The following TRPC5 variants were observed in gnomAD, a reference collection of about 807,000 sequenced individuals.
TRPC5 encodes short transient receptor potential channel 5.
A neutral mutation model predicts 56.5 loss-of-function variants in TRPC5; 9 were observed. The observed-to-expected ratio is 0.16, with a 90% CI of 0.10 to 0.28. TRPC5 has a LOEUF of 0.28. Ranked by LOEUF, TRPC5 falls within the 10% of genes least tolerant of loss-of-function variation. The pLI is 1.00. For missense variants in TRPC5, 469 were observed against 748.9 expected, an observed-to-expected ratio of 0.63 and a Z score of 4.36; for synonymous variants, 282 against 278.5, an observed-to-expected ratio of 1.01 and a Z score of -0.13.
Position 111,992,008 on chromosome X carries a change from T to C in TRPC5, c.-21-39567A>G, listed in dbSNP as rs142295935. 4.9e-3 allele frequency among the ~76,000 whole-genome samples: 550 copies of C among 112,408 alleles called. 1 individual carries two copies. The highest frequency in any genetic ancestry group is 0.017 in the African/African-American group (523 of 31,035). On this transcript the variant is annotated intron_variant, in intron 1 of 10. Transcript: ENST00000262839. ...CTCTTATTACTGTACTTAGCTTGGATGTCAGACTCAATTTAGGGTTCAGCA... is the reference window on the plus strand; with the variant it reads ...CTCTTATTACTGTACTTAGCTTGGACGTCAGACTCAATTTAGGGTTCAGCA...
intron 1 of TRPC5, among the ~76,000 whole-genome samples, chrX:111,994,316 T>C (rs1051441908): frequency 4.5e-5 from 5 of 111,835 alleles, no homozygotes; most frequent in Non-Finnish European, 9.4e-5. Flanking sequence ...CCTTGTAGTA[T>C]AGTTTGAAGT....
intron 1 of TRPC5, among the ~76,000 whole-genome samples, chrX:111,970,761 C>G (rs1348527073): frequency 9.4e-6 from 1 of 106,089 alleles, no homozygotes; most frequent in Non-Finnish European, 1.9e-5. Flanking sequence ...TGAACTCAGG[C>G]AAGTCACATT....
At chrX:111,993,796 C>A (rs889637447) in intron 1 of TRPC5, among the ~76,000 whole-genome samples, 24 of 111,919 alleles carry the variant, frequency 2.1e-4, no homozygotes, top group African/African-American at 6.8e-4. Flanking sequence ...TAGATTCTGG[C>A]TATTAGCCCT....
At chrX:111,987,452 A>G (rs1003155234) in intron 1 of TRPC5, among the ~76,000 whole-genome samples, 2 of 111,281 alleles carry the variant, frequency 1.8e-5, no homozygotes, top group African/African-American at 6.5e-5. Flanking sequence ...CATGCTACAC[A>G]TTAGATCTCT....
Position 111,781,220 on chromosome X carries a change from TAG to T in TRPC5, c.2101-16_2101-15del. On this transcript the variant is annotated splice_polypyrimidine_tract_variant and intron_variant, in intron 8 of 10. Transcript: ENST00000262839. The stretch of plus-strand genomic sequence containing the variant: ...AGCATTGCGTTCCTATAATTGAAAA[TAG>T]ACAGAGATGTTACATCAGCAGTCTC... 1 of 1,201,818 alleles carries T rather than the reference TAG, an allele frequency of 8.3e-7. No individual in the cohort carries two copies. Among genetic ancestry groups the T allele is most frequent in the Non-Finnish European group, 1.1e-6 (1 of 886,754 alleles).
chrX:112,012,844 A>G (rs1929026616), intron 1 of TRPC5, among the ~76,000 whole-genome samples: 1 of 111,815 alleles, frequency 8.9e-6, no homozygotes, highest in Admixed American at 9.5e-5. Flanking sequence ...CTACGATCCT[A>G]ATGAACACAA....
chrX:112,001,243 C>T (rs952048812), intron 1 of TRPC5, among the ~76,000 whole-genome samples: 1 of 111,823 alleles, frequency 8.9e-6, no homozygotes, highest in African/African-American at 3.3e-5. Flanking sequence ...TGAACTCAGA[C>T]TCTCAAGCAT....
intron 2 of TRPC5, among the ~76,000 whole-genome samples, chrX:111,929,686 T>A (rs867614465): frequency 8.9e-6 from 1 of 112,355 alleles, no homozygotes; most frequent in Non-Finnish European, 1.9e-5. Flanking sequence ...TTAATGTGCG[T>A]TTATCAGGTA....
At chrX:111,808,318 G>C (rs1482909422) in intron 7 of TRPC5, among the ~76,000 whole-genome samples, 1 of 110,089 alleles carries the variant, frequency 9.1e-6, no homozygotes, top group South Asian at 4.0e-4. Flanking sequence ...TATTTTACTG[G>C]GGCTGAGCTG....
At chrX:111,880,054 T>C (rs1052762169) in intron 3 of TRPC5, among the ~76,000 whole-genome samples, 1 of 111,901 alleles carries the variant, frequency 8.9e-6, no homozygotes, top group Non-Finnish European at 1.9e-5. Context: ...GTTTTCATAT[T>C]TTTAAAATGA....
At chrX:111,981,668 A>T (rs1928085180) in intron 1 of TRPC5, among the ~76,000 whole-genome samples, 1 of 111,843 alleles carries the variant, frequency 8.9e-6, no homozygotes, top group Non-Finnish European at 1.9e-5. Context: ...ACAACTGAAA[A>T]TTCACTAACC....
Position 112,030,017 on chromosome X carries a change from G to A in TRPC5, c.-22+51862C>T, listed in dbSNP as rs914604901. Among the ~76,000 whole-genome samples the A allele has an allele frequency of 6.3e-5, 7 of 111,421 alleles. No individual in the cohort carries two copies. In the Admixed American group the frequency reaches 6.7e-4, roughly 11 times the overall value. ...TATTTGTATTTTTAGTAGAGATTGGGTTTCTCCATGTTGGTCAGGCTGGCC... is the reference window on the plus strand; with the variant it reads ...TATTTGTATTTTTAGTAGAGATTGGATTTCTCCATGTTGGTCAGGCTGGCC... On this transcript the variant is annotated intron_variant, in intron 1 of 10. Transcript: ENST00000262839.
chrX:112,016,903 C>T (rs1603146967), intron 1 of TRPC5, among the ~76,000 whole-genome samples: 1 of 112,588 alleles, frequency 8.9e-6, no homozygotes, highest in East Asian at 2.8e-4. Context: ...ATATAGAGGG[C>T]TCTTGTGAGG....
chrX:112,023,042 C>A (rs747221369), intron 1 of TRPC5, among the ~76,000 whole-genome samples: 2 of 109,804 alleles, frequency 1.8e-5, no homozygotes, highest in African/African-American at 3.3e-5. Flanking sequence ...TCACGCCATT[C>A]TCCTGCCTCA....
chrX:112,020,805 C>A (rs1046075525), intron 1 of TRPC5, among the ~76,000 whole-genome samples: 3 of 110,586 alleles, frequency 2.7e-5, no homozygotes, highest in Non-Finnish European at 5.7e-5. Flanking sequence ...TATTGAAAAT[C>A]TTTTCTTTTC....
chrX:111,823,417 T>G (rs1220297526), intron 7 of TRPC5, among the ~76,000 whole-genome samples: 1 of 111,626 alleles, frequency 9.0e-6, no homozygotes, highest in Non-Finnish European at 1.9e-5. Context: ...AAGAGAGGCT[T>G]TAGGCATGCA....
chrX:112,063,852 C>A lies in TRPC5; in HGVS notation c.-22+18027G>T, dbSNP rs902670249. Among the ~76,000 whole-genome samples the A allele has an allele frequency of 8.9e-5, 10 of 111,895 alleles. No individual in the cohort carries two copies. In the East Asian group the frequency reaches 2.8e-3, roughly 32 times the overall value. On this transcript the variant is annotated intron_variant, in intron 1 of 10. Coordinates refer to ENST00000262839, the MANE Select transcript of TRPC5 (RefSeq NM_012471.3). ...TGCCGCCCAGGCTGGAGTGCAGTGG[C>A]GCGATCTCGGCTCACTGCAACCTCC... is the stretch of plus-strand genomic sequence containing the variant.
intron 3 of TRPC5, among the ~76,000 whole-genome samples, chrX:111,874,994 G>A (rs183063265): frequency 1.8e-5 from 2 of 112,192 alleles, no homozygotes; most frequent in Non-Finnish European, 3.8e-5. Flanking sequence ...GAGTAAGACA[G>A]ACATGAGGTC....
intron 2 of TRPC5, among the ~76,000 whole-genome samples, chrX:111,918,940 G>A (rs1926051042): frequency 9.0e-6 from 1 of 110,967 alleles, no homozygotes; most frequent in African/African-American, 3.3e-5. Context: ...GTCCACATGG[G>A]TGGGTGCTGA....
Sources: allele counts gnomAD v4.1 joint callset (sites outside exome capture counted in the v4.1 genomes callset), GRCh38; gene constraint gnomAD v4.1.1; transcripts MANE v1.5; gene names NCBI Gene and HGNC (gene_info 2026-07-23, HGNC 2026-07-21).